Variants in ZNF496 observed in about 807,000 individuals in gnomAD.
The protein encoded by ZNF496 is zinc finger protein 496.
A neutral mutation model predicts 58.9 loss-of-function variants in ZNF496; 11 were observed. The ratio of observed to expected loss-of-function variants is 0.19; its 90% CI spans 0.12 to 0.31. ZNF496 has a LOEUF of 0.31. Ranked by LOEUF, ZNF496 falls within the 10% of genes least tolerant of loss-of-function variation. The pLI is 1.00. For synonymous variants in ZNF496, 338 were observed against 318.2 expected (o/e 1.06, Z -0.66); for missense variants, 660 against 783.0 (o/e 0.84, Z 1.88).
intron 5 of ZNF496, among the ~76,000 whole-genome samples, chr1:247,324,196 C>CT (rs1660050088): frequency 1.3e-5 from 2 of 151,916 alleles, no homozygotes; most frequent in South Asian, 4.1e-4. Context: ...GAAAGACATG[C>CT]TACGAGCAAT....
rs752428114 is a variant in ZNF496, at chr1:247,328,880, G to C, written c.391-14C>G. ...ACAGTGCTTGAGCTGCAATCCCAGAGACAGCTTTTCAGGGCTAGGGGAAGA... is the reference window on the plus strand; with the variant it reads ...ACAGTGCTTGAGCTGCAATCCCAGACACAGCTTTTCAGGGCTAGGGGAAGA... On this transcript the variant is annotated splice_polypyrimidine_tract_variant and intron_variant, in intron 4 of 9. Coordinates refer to ENST00000682384, the MANE Select transcript of ZNF496 (RefSeq NM_032752.3). 1 of 1,574,706 alleles carries C rather than the reference G, an allele frequency of 6.4e-7. No individual in the cohort carries two copies. Among genetic ancestry groups the C allele is most frequent in the Admixed American group, 1.8e-5 (1 of 54,936 alleles).
rs576736267 is a variant in ZNF496, at chr1:247,325,107, A to C, written c.575-1877T>G. On this transcript the variant is annotated intron_variant, in intron 5 of 9. Coordinates refer to ENST00000682384, the MANE Select transcript of ZNF496 (RefSeq NM_032752.3). ...AAGTCATTATCAAAGCAAACCCCAGAGGCCAGTGTCCCTGGCCTTTCAGAC... is the reference window on the plus strand; with the variant it reads ...AAGTCATTATCAAAGCAAACCCCAGCGGCCAGTGTCCCTGGCCTTTCAGAC... Among the ~76,000 whole-genome samples the C allele has an allele frequency of 2.0e-4, 30 of 152,220 alleles. 1 individual carries two copies. The highest frequency in any genetic ancestry group is 4.3e-4 in the Non-Finnish European group (29 of 68,042).
chr1:247,313,457 T>C (rs1659671537), intron 6 of ZNF496: 1 of 152,270 alleles, frequency 6.6e-6, no homozygotes, highest in South Asian at 2.1e-4. Flanking sequence ...AAAATCCACA[T>C]GGCAGCTACC....
At chr1:247,314,348 T>C (rs1360775215) in intron 6 of ZNF496, among the ~76,000 whole-genome samples, 2 of 149,806 alleles carry the variant, frequency 1.3e-5, no homozygotes, top group South Asian at 2.1e-4. Context: ...TGAGCCATGG[T>C]GCCTGGCCTA....
Position 247,331,559 on chromosome 1 carries a change from A to C in ZNF496, c.-281T>G, listed in dbSNP as rs1558161008. 1 of 151,998 alleles carries C rather than the reference A, an allele frequency of 6.6e-6. No individual in the cohort carries two copies. Among genetic ancestry groups the C allele is most frequent in the African/African-American group, 2.4e-5 (1 of 41,392 alleles). 9.4% of individuals were successfully genotyped at this position (151,998 alleles called of 1,614,324 possible). A position where few individuals can be genotyped will look rare whatever the true frequency, so the allele number is the denominator to read the frequency against. On this transcript the variant is annotated 5_prime_UTR_variant, in exon 2 of 10. Coordinates refer to ENST00000682384, the MANE Select transcript of ZNF496 (RefSeq NM_032752.3). ...GTACTCGCTGAGGCGGGGTCTCCGC[A>C]GGCGCCCGGCTCCTTTCCCGGCCCG...
chr1:247,322,496 G>C (rs1278449514), intron 6 of ZNF496, among the ~76,000 whole-genome samples: 1 of 152,182 alleles, frequency 6.6e-6, no homozygotes, highest in South Asian at 2.1e-4. Flanking sequence ...GTGCCAGCCA[G>C]TGGAAAGTGT....
rs67737658 is a variant in ZNF496, at chr1:247,316,216, C to CGT, written c.652-5762_652-5761dup. 1.6e-3 allele frequency among the ~76,000 whole-genome samples: 145 copies of CGT among 90,678 alleles called. 1 individual carries two copies. Among genetic ancestry groups the CGT allele is most frequent in the African/African-American group, 5.2e-3 (115 of 22,216 alleles). The allele number at this position is 90,678 out of a possible 152,430, so 59.5% of individuals were successfully genotyped here. A position where few individuals can be genotyped will look rare whatever the true frequency, so the allele number is the denominator to read the frequency against. ...GTGTGTGTGTGTGCGCGCGCGTGCG[C>CGT]GTGTGTGTGTGTGTGTGTGTGAGCG... On this transcript the variant is annotated intron_variant, in intron 6 of 9. Coordinates refer to ENST00000682384, the MANE Select transcript of ZNF496 (RefSeq NM_032752.3).
At chr1:247,320,611 T>C (rs888482649) in intron 6 of ZNF496, among the ~76,000 whole-genome samples, 5 of 152,220 alleles carry the variant, frequency 3.3e-5, no homozygotes, top group African/African-American at 9.6e-5. Context: ...TTATAGAATA[T>C]AGATTTTTAC....
intron 6 of ZNF496, chr1:247,322,693 C>T: frequency 7.8e-7 from 1 of 1,285,604 alleles, no homozygotes; most frequent in South Asian, 1.2e-5. Flanking sequence ...TCTGGAATGA[C>T]TCACCACGTA....
rs370734357 is a variant in ZNF496, at chr1:247,329,455, G to C, written c.124C>G (p.Arg42Gly). 1.2e-6 allele frequency: 2 copies of C among 1,612,380 alleles called. No individual in the cohort carries two copies. Reference protein sequence around the residue: ...QGELPSPESSRRLFRRFRYQE... With the variant: ...QGELPSPESSGRLFRRFRYQE... ...TAGCGGAAACGGCGGAAGAGACGCC[G>C]AGAGGACTCGGGGCTGGGAAGCTCC... Residue 42 changes from arginine (R) to glycine (G), a missense_variant, in exon 4 of 10, where the codon CGG (arginine) becomes GGG (glycine). By Grantham distance (125) the Arg-to-Gly change is moderately radical. Transcript: ENST00000682384. This position sits in a 1 kb window ranked among gnomAD's most constrained non-coding sequence, Gnocchi z 5.5.
chr1:247,304,890 T>C (rs1659362555), intron 9 of ZNF496, among the ~76,000 whole-genome samples: 1 of 152,210 alleles, frequency 6.6e-6, no homozygotes, highest in Admixed American at 6.5e-5. Flanking sequence ...GATGTTGATA[T>C]TTAGATGAGA....
Position 247,323,169 on chromosome 1 carries a change from G to A in ZNF496, c.636C>T (p.Thr212=), listed in dbSNP as rs1351393011. 1 of 1,613,876 alleles carries A rather than the reference G, an allele frequency of 6.2e-7. No individual in the cohort carries two copies. Among genetic ancestry groups the A allele is most frequent in the Non-Finnish European group, 8.5e-7 (1 of 1,179,800 alleles). ...ENVRDTQQVT[T]LQLPPSRVSP... is the part of the protein sequence containing the mutation. The stretch of plus-strand genomic sequence containing the variant: ...AACCACTCACCGGGGGTAGCTGGAG[G>A]GTGGTCACCTGCTGTGTGTCCCGCA... The change falls in exon 6 of 10, where the codon ACC becomes ACT. Residue 212 remains threonine (T), a synonymous_variant. Coordinates refer to ENST00000682384, the MANE Select transcript of ZNF496 (RefSeq NM_032752.3).
rs1400157916 is a variant in ZNF496, at chr1:247,308,211, C to G, written c.1006+264G>C. Reference sequence around the variant, plus strand: ...CTAAGAACACCACAGCAGAGGTCGGCGGGGATCCTGAGGGGTTCAGTTCCT... The same window carrying G: ...CTAAGAACACCACAGCAGAGGTCGGGGGGGATCCTGAGGGGTTCAGTTCCT... On this transcript the variant is annotated intron_variant, in intron 9 of 9. Transcript: ENST00000682384. This position sits in a 1 kb window ranked among gnomAD's most constrained non-coding sequence, Gnocchi z 4.5. 6.6e-6 allele frequency among the ~76,000 whole-genome samples: 1 copy of G among 152,094 alleles called. No homozygotes were observed. The highest frequency in any genetic ancestry group is 1.5e-5 in the Non-Finnish European group (1 of 68,006).
At chr1:247,319,561 C>T (rs1045938603) in intron 6 of ZNF496, among the ~76,000 whole-genome samples, 3 of 152,238 alleles carry the variant, frequency 2.0e-5, no homozygotes, top group South Asian at 2.1e-4. Context: ...ACATTAAATA[C>T]AAATGGTCTA....
chr1:247,323,107 C>G (rs755007147), intron 6 of ZNF496, 47 bp downstream of exon 6: 5 of 1,523,108 alleles, frequency 3.3e-6, no homozygotes, highest in Non-Finnish European at 4.5e-6. Flanking sequence ...CTGTAGCCTA[C>G]AGAGGCAAAC....
intron 6 of ZNF496, among the ~76,000 whole-genome samples, chr1:247,315,202 G>A (rs997896041): frequency 2.6e-5 from 4 of 151,374 alleles, no homozygotes; most frequent in African/African-American, 9.7e-5. Flanking sequence ...TTGTACATAT[G>A]TATCCCAGTG....
At chr1:247,311,430 G>GACAGACACACACACACACAC (rs370174927) in intron 6 of ZNF496, 3 of 139,480 alleles carry the variant, frequency 2.2e-5, no homozygotes, top group African/African-American at 8.5e-5. Flanking sequence ...CACACACAGA[G>GACAGACACACACACACACAC]ACACACACAC....
At position 247,309,479 on chromosome 1, in the gene ZNF496, G is replaced by T; in HGVS notation, c.892+220C>A. 7.2e-7 allele frequency: 1 copy of T among 1,394,992 alleles called. No homozygotes were observed. The highest frequency in any genetic ancestry group is 9.3e-7 in the Non-Finnish European group (1 of 1,078,748). The allele number at this position is 1,394,992 out of a possible 1,614,324, so 86.4% of individuals were successfully genotyped here. A position where few individuals can be genotyped will look rare whatever the true frequency, so the allele number is the denominator to read the frequency against. On this transcript the variant is annotated intron_variant, in intron 8 of 9. Transcript: ENST00000682384. The surrounding 1 kb of genome is among the most constrained non-coding windows in gnomAD (Gnocchi z 4.3). ...ACATTCCTATTATTTCCCAGTCCTT[G>T]GCCAAGGGAGTACAATTCCAATGCC... is the stretch of plus-strand genomic sequence containing the variant.
At chr1:247,313,649 C>T (rs906978829) in intron 6 of ZNF496, 11 of 152,188 alleles carry the variant, frequency 7.2e-5, no homozygotes, top group African/African-American at 2.2e-4. Flanking sequence ...CCCACCCTTC[C>T]GTGCAGGGAT....
Sources: allele counts gnomAD v4.1 joint callset (sites outside exome capture counted in the v4.1 genomes callset), GRCh38; gene constraint gnomAD v4.1.1; non-coding constraint Gnocchi (gnomAD v3.1); transcripts MANE v1.5; gene names NCBI Gene and HGNC (gene_info 2026-07-23, HGNC 2026-07-21).